SUGCT: variants seen among roughly 807,000 people sequenced by gnomAD.
The protein encoded by SUGCT is succinyl-CoA:glutarate CoA-transferase.
In SUGCT, 41 loss-of-function variants were observed where a neutral mutation model predicts 55.0. The ratio of observed to expected loss-of-function variants is 0.74; its 90% CI spans 0.58 to 0.97. The LOEUF (loss-of-function observed/expected upper bound fraction) is 0.97. SUGCT is among the 50% of genes least tolerant of loss of function. SUGCT has a pLI of 0.00. For synonymous variants in SUGCT, 187 were observed against 200.4 expected (o/e 0.93, Z 0.56); for missense variants, 568 against 547.8 (o/e 1.04, Z -0.37).
intron 13 of SUGCT, among the ~76,000 whole-genome samples, chr7:40,832,432 CAT>C (rs557552571): frequency 6.8e-4 from 103 of 152,220 alleles, no homozygotes; most frequent in African/African-American, 2.3e-3. Context: ...TAATAGGACA[CAT>C]GTTCTCCCAA....
chr7:40,801,679 A>G lies in SUGCT; in HGVS notation c.1153+52182A>G, dbSNP rs1427761234. Among the ~76,000 whole-genome samples the G allele has an allele frequency of 3.3e-5, 5 of 152,308 alleles. No homozygotes were observed. The South Asian group carries it at 6.2e-4, about 19-fold the overall frequency. ...AGATGGCAGTGTGTATTTTCTAGAA[A>G]TAAGTTCAGAATTGAAATCTTGTGG... On this transcript the variant is annotated intron_variant, in intron 13 of 13. Coordinates refer to ENST00000335693, the MANE Select transcript of SUGCT (RefSeq NM_001193313.2).
chr7:40,206,198 G>A (rs892206345), intron 6 of SUGCT, among the ~76,000 whole-genome samples: 4 of 152,092 alleles, frequency 2.6e-5, no homozygotes, highest in African/African-American at 9.7e-5. Context: ...ATGGTAATAG[G>A]CCTGGGAAAT....
chr7:40,377,159 T>C (rs1018558840), intron 9 of SUGCT, among the ~76,000 whole-genome samples: 1 of 15,886 alleles, frequency 6.3e-5, no homozygotes, highest in Non-Finnish European at 3.0e-4. Context: ...TCTTTCTTTC[T>C]TTCTTTCTTT....
chr7:40,488,030 T>C (rs1791475806), intron 11 of SUGCT, among the ~76,000 whole-genome samples: 1 of 151,878 alleles, frequency 6.6e-6, no homozygotes. Context: ...CTTTTTTTTT[T>C]TGGAAGAATT....
intron 7 of SUGCT, among the ~76,000 whole-genome samples, chr7:40,243,123 T>C (rs919172982): frequency 6.7e-6 from 1 of 149,564 alleles, no homozygotes; most frequent in Non-Finnish European, 1.5e-5. Flanking sequence ...CTCTCTATCA[T>C]CTGTTTATCT....
intron 12 of SUGCT, among the ~76,000 whole-genome samples, chr7:40,648,664 C>A (rs1054929474): frequency 2.6e-5 from 4 of 152,212 alleles, no homozygotes; most frequent in African/African-American, 9.6e-5. Flanking sequence ...TTTGTCCTTA[C>A]AAGGAAACAT....
chr7:40,860,370 T>A lies in SUGCT; in HGVS notation c.1208T>A (p.Leu403Gln), dbSNP rs1000222830. Residue 403 changes from leucine (L) to glutamine (Q), a missense_variant, in exon 14 of 14, where the codon CTG becomes CAG. By Grantham distance (113) the Leu-to-Gln change is moderately radical. Coordinates refer to ENST00000335693, the MANE Select transcript of SUGCT (RefSeq NM_001193313.2). The part of the protein sequence containing the change: ...FKMSEARPPP[L>Q]LGQHTTHILK... ...ATGTCAGAGGCCAGGCCGCCCCCGC[T>A]GCTCGGGCAGCACACAACGCACATC... The A allele has an allele frequency of 6.2e-7, 1 of 1,613,992 alleles. No homozygotes were observed.
chr7:40,271,717 T>C (rs1792029152), intron 7 of SUGCT, among the ~76,000 whole-genome samples: 1 of 152,128 alleles, frequency 6.6e-6, no homozygotes, highest in Non-Finnish European at 1.5e-5. Context: ...TATTTTGAAA[T>C]GTACAGCCTT....
At chr7:40,589,590 TG>T (rs1797600524) in intron 12 of SUGCT, among the ~76,000 whole-genome samples, 1 of 152,186 alleles carries the variant, frequency 6.6e-6, no homozygotes, top group Admixed American at 6.5e-5. Flanking sequence ...CACCTCCCAA[TG>T]TTGTTGCATT....
At chr7:40,311,552 G>C (rs1442567340) in intron 8 of SUGCT, among the ~76,000 whole-genome samples, 1 of 152,030 alleles carries the variant, frequency 6.6e-6, no homozygotes, top group African/African-American at 2.4e-5. Context: ...TTCTCACCAT[G>C]GTTTAGTTAT....
the SUGCT span, among the ~76,000 whole-genome samples, chr7:40,969,248 T>C: frequency 6.6e-6 from 1 of 152,254 alleles, no homozygotes; most frequent in African/African-American, 2.4e-5. Context: ...CTGGAAACAC[T>C]GTGTTATACT....
chr7:40,518,623 G>A (rs1311561412), intron 12 of SUGCT, among the ~76,000 whole-genome samples: 2 of 152,036 alleles, frequency 1.3e-5, no homozygotes, highest in Non-Finnish European at 2.9e-5. Context: ...CCAGATGTCA[G>A]GAACTTATGT....
intron 13 of SUGCT, among the ~76,000 whole-genome samples, chr7:40,807,327 C>T (rs1791157162): frequency 6.6e-6 from 1 of 152,066 alleles, no homozygotes; most frequent in Non-Finnish European, 1.5e-5. Flanking sequence ...AACCATCATG[C>T]TTAATGTTCT....
At chr7:40,885,225 C>T in the SUGCT span, among the ~76,000 whole-genome samples, 2 of 152,002 alleles carry the variant, frequency 1.3e-5, no homozygotes, top group South Asian at 2.1e-4. Flanking sequence ...GCGTTTTCAC[C>T]GTATGATTCA....
In SUGCT at chr7:40,237,740, C is replaced by T; in HGVS notation, c.576+14C>T. The T allele has an allele frequency of 6.2e-7, 1 of 1,604,400 alleles. No individual in the cohort carries two copies. Among genetic ancestry groups the T allele is most frequent in the Non-Finnish European group, 8.5e-7 (1 of 1,171,416 alleles). ...ACAGGGCCTGAGGTAGGTATCCTTC[C>T]TTAGAATATTCATAATTTCTTCCCT... On this transcript the variant is annotated intron_variant, in intron 7 of 13. Coordinates refer to ENST00000335693, the MANE Select transcript of SUGCT (RefSeq NM_001193313.2).
chr7:40,669,364 A>T (rs1236004457), intron 12 of SUGCT, among the ~76,000 whole-genome samples: 1 of 144,912 alleles, frequency 6.9e-6, no homozygotes, highest in South Asian at 2.2e-4. Flanking sequence ...AAAAAAAAAA[A>T]AAAAATTACT....
At chr7:40,234,276 C>A (rs886971344) in intron 6 of SUGCT, among the ~76,000 whole-genome samples, 6 of 152,170 alleles carry the variant, frequency 3.9e-5, no homozygotes, top group African/African-American at 1.4e-4. Flanking sequence ...AGTGCACAGG[C>A]CTTCCTGCCG....
At chr7:40,848,823 C>T (rs1338346980) in intron 13 of SUGCT, among the ~76,000 whole-genome samples, 1 of 152,166 alleles carries the variant, frequency 6.6e-6, no homozygotes, top group Non-Finnish European at 1.5e-5. Context: ...ATGGCCTTAT[C>T]TCACCATTCC....
intron 11 of SUGCT, among the ~76,000 whole-genome samples, chr7:40,468,331 T>G (rs1282091668): frequency 1.3e-5 from 2 of 152,134 alleles, no homozygotes; most frequent in Non-Finnish European, 2.9e-5. Context: ...ATCTGTAATT[T>G]CCTTATTTTT....
Sources: gnomAD v4.1 joint callset for allele counts (sites outside exome capture counted in the v4.1 genomes callset) on GRCh38, gnomAD v4.1.1 for gene constraint, MANE v1.5 for transcripts, NCBI Gene and HGNC (gene_info 2026-07-23, HGNC 2026-07-21) for gene names.